Variants in EML6 observed in about 807,000 individuals in gnomAD.
The protein encoded by EML6 is EMAP like 6.
In EML6, 154 loss-of-function variants were observed where a neutral mutation model predicts 240.1. That is an observed-to-expected ratio of 0.64 (90% CI 0.56 to 0.73). EML6 has a LOEUF of 0.73. EML6 is among the 30% of genes least tolerant of loss of function. The pLI, the probability that EML6 is intolerant of heterozygous loss-of-function variation, is 0.00. For synonymous variants in EML6, 1,148 were observed against 899.0 expected (o/e 1.28, Z -4.95); for missense variants, 2,964 against 2,474.6 (o/e 1.20, Z -4.20).
chr2:54,944,551 C>T (rs1012505082), intron 28 of EML6, among the ~76,000 whole-genome samples: 7 of 152,144 alleles, frequency 4.6e-5, no homozygotes, highest in Non-Finnish European at 7.3e-5. Context: ...GTTCCCTTTA[C>T]GCCACCCTTT....
intron 17 of EML6, chr2:54,882,745 C>T (rs1386895749): frequency 1.3e-5 from 2 of 150,758 alleles, no homozygotes; most frequent in African/African-American, 4.9e-5. Flanking sequence ...GTAGTCCCAG[C>T]TACTTGGGAG....
At chr2:54,797,172 A>AACAAAAAAAAAAAAAACAAAAC (rs1553380362) in intron 2 of EML6, among the ~76,000 whole-genome samples, 1 of 140,948 alleles carries the variant, frequency 7.1e-6, no homozygotes, top group Non-Finnish European at 1.6e-5. Flanking sequence ...CTCAAAAAAA[A>AACAAAAAAAAAAAAAACAAAAC]AAAAAAAAAA....
At chr2:54,907,943 GATAAGATAGAT>G (rs1673426598) in intron 24 of EML6, among the ~76,000 whole-genome samples, 1 of 16,988 alleles carries the variant, frequency 5.9e-5, no homozygotes, top group Non-Finnish European at 1.4e-4. Flanking sequence ...TAGATAGATA[GATAAGATAGAT>G]AGATAGATAG....
intron 7 of EML6, among the ~76,000 whole-genome samples, chr2:54,838,426 A>G (rs977648780): frequency 3.3e-5 from 5 of 152,254 alleles, no homozygotes; most frequent in African/African-American, 1.2e-4. Flanking sequence ...AACTAACGAT[A>G]TGAATGACTA....
At chr2:54,931,589 G>C (rs1674868037) in intron 28 of EML6, among the ~76,000 whole-genome samples, 1 of 152,166 alleles carries the variant, frequency 6.6e-6, no homozygotes. Context: ...TTGAAGATTT[G>C]AGAGGCAGGG....
chr2:54,958,117 A>G (rs1405182753), intron 33 of EML6, 119 bp downstream of exon 33: 8 of 840,592 alleles, frequency 9.5e-6, no homozygotes, highest in East Asian at 2.7e-5. Context: ...CCATTTCCAC[A>G]TTCGCTCCTG....
At position 54,970,208 on chromosome 2, in the gene EML6, C is replaced by A. The variant is rs1048633355; in HGVS notation, c.*113C>A. 5.9e-6 allele frequency: 6 copies of A among 1,014,928 alleles called. No homozygotes were observed. The highest frequency in any genetic ancestry group is 1.6e-5 in the African/African-American group (1 of 62,724). The allele number at this position is 1,014,928 out of a possible 1,614,324, so 62.9% of individuals were successfully genotyped here. On this transcript the variant is annotated 3_prime_UTR_variant, in exon 42 of 42. Coordinates refer to ENST00000356458, the MANE Select transcript of EML6 (RefSeq NM_001039753.4). The stretch of plus-strand genomic sequence containing the variant: ...CGTTGGGAAATGCCTACCATGCTGC[C>A]CCGGATGCACAAGCTCAAAACGCTG...
At position 54,964,413 on chromosome 2, in the gene EML6, G is replaced by A. The variant is rs373982860; in HGVS notation, c.5331-158G>A. Reference sequence around the variant, plus strand: ...GGGGATTCGATCCAGATAAATTGTTGAATTCCGTAGAATGCCAGGAGAGGC... The same window carrying A: ...GGGGATTCGATCCAGATAAATTGTTAAATTCCGTAGAATGCCAGGAGAGGC... On this transcript the variant is annotated intron_variant, in intron 37 of 41. Coordinates refer to ENST00000356458, the MANE Select transcript of EML6 (RefSeq NM_001039753.4). 7.2e-5 allele frequency among the ~76,000 whole-genome samples: 11 copies of A among 152,362 alleles called. No homozygotes were observed. The South Asian group carries it at 2.3e-3, about 32-fold the overall frequency.
intron 2 of EML6, among the ~76,000 whole-genome samples, chr2:54,801,070 C>A (rs1670112910): frequency 6.6e-6 from 1 of 152,040 alleles, no homozygotes; most frequent in African/African-American, 2.4e-5. Context: ...TCTGTAATCC[C>A]AGCATTTTGG....
chr2:54,814,852 C>G lies in EML6; in HGVS notation c.357+1461C>G, dbSNP rs530671197. On this transcript the variant is annotated intron_variant, in intron 3 of 41. Coordinates refer to ENST00000356458, the MANE Select transcript of EML6 (RefSeq NM_001039753.4). Reference sequence around the variant, plus strand: ...GGAATATATGTTCTTTATTTTACTCCTTTGTAATCTCATCCAGTTAGTCAG... The same window carrying G: ...GGAATATATGTTCTTTATTTTACTCGTTTGTAATCTCATCCAGTTAGTCAG... 1.1e-4 allele frequency among the ~76,000 whole-genome samples: 16 copies of G among 152,250 alleles called. No individual in the cohort carries two copies. In the East Asian group the frequency reaches 3.1e-3, roughly 29 times the overall value.
chr2:54,849,147 C>T (rs1438517950), intron 9 of EML6, among the ~76,000 whole-genome samples: 5 of 152,000 alleles, frequency 3.3e-5, no homozygotes, highest in Non-Finnish European at 7.4e-5. Flanking sequence ...TTTTAAAAAT[C>T]GATACATAAT....
At chr2:54,860,808 C>T (rs1040932973) in intron 12 of EML6, among the ~76,000 whole-genome samples, 2 of 152,186 alleles carry the variant, frequency 1.3e-5, no homozygotes, top group African/African-American at 4.8e-5. Flanking sequence ...AAGAATGCAG[C>T]TCCTCATTTC....
intron 2 of EML6, among the ~76,000 whole-genome samples, chr2:54,743,242 C>T (rs1683738152): frequency 6.6e-6 from 1 of 152,186 alleles, no homozygotes; most frequent in South Asian, 2.1e-4. Flanking sequence ...ATGTAGCACT[C>T]ATGGAGACAC....
At chr2:54,799,870 C>G (rs764412013) in intron 2 of EML6, among the ~76,000 whole-genome samples, 7 of 152,172 alleles carry the variant, frequency 4.6e-5, no homozygotes, top group South Asian at 2.1e-4. Flanking sequence ...AGATAGAGCT[C>G]TCTGACCTTT....
intron 8 of EML6, among the ~76,000 whole-genome samples, chr2:54,845,706 T>C (rs922843905): frequency 2.6e-5 from 4 of 152,304 alleles, no homozygotes; most frequent in South Asian, 2.1e-4. Context: ...GGATGAGGTA[T>C]TGAGAACATA....
chr2:54,844,779 C>T (rs1466637144), intron 8 of EML6, among the ~76,000 whole-genome samples: 10 of 152,190 alleles, frequency 6.6e-5, no homozygotes, highest in African/African-American at 1.4e-4. Context: ...TACTCGGAGC[C>T]TCCAGCTTTC....
At chr2:54,965,296 G>T (rs745654258) in intron 38 of EML6, among the ~76,000 whole-genome samples, 1 of 152,202 alleles carries the variant, frequency 6.6e-6, no homozygotes, top group Non-Finnish European at 1.5e-5. Flanking sequence ...CCTGGAGCTG[G>T]ATATTCACTG....
At chr2:54,907,031 G>A (rs1471423441) in intron 24 of EML6, among the ~76,000 whole-genome samples, 1 of 152,172 alleles carries the variant, frequency 6.6e-6, no homozygotes, top group Non-Finnish European at 1.5e-5. Flanking sequence ...GCAACTACAG[G>A]TCCTTGGAAA....
At chr2:54,957,555 G>C (rs1252105103) in intron 32 of EML6, among the ~76,000 whole-genome samples, 1 of 152,110 alleles carries the variant, frequency 6.6e-6, no homozygotes, top group Non-Finnish European at 1.5e-5. Flanking sequence ...TTCTTGCTAC[G>C]TTCATGAATG....
Sources: gnomAD v4.1 joint callset for allele counts (sites outside exome capture counted in the v4.1 genomes callset) on GRCh38, gnomAD v4.1.1 for gene constraint, MANE v1.5 for transcripts, NCBI Gene and HGNC (gene_info 2026-07-23, HGNC 2026-07-21) for gene names.